The following USH2A variants were observed in gnomAD, a reference collection of about 807,000 sequenced individuals.
USH2A encodes the protein Usher syndrome 2A (autosomal recessive, mild).
In USH2A, 443 loss-of-function variants were observed where a neutral mutation model predicts 538.9. The ratio of observed to expected loss-of-function variants is 0.82; its 90% CI spans 0.76 to 0.89. The LOEUF is 0.89. USH2A is among the 40% of genes least tolerant of loss of function. USH2A has a pLI of 0.00. For missense variants in USH2A, 6,633 were observed against 6,324.8 expected, an observed-to-expected ratio of 1.05 and a Z score of -1.65; for synonymous variants, 2,413 against 2,273.5, an observed-to-expected ratio of 1.06 and a Z score of -1.75.
In USH2A at chr1:215,624,670, C is replaced by T. The variant is rs993154007; in HGVS notation, c.*1111G>A. ...AGAGCAGGTGACAGACATTTTTGAA[C>T]CGTAATTGGTACTGTTGCATATCAT... On this transcript the variant is annotated 3_prime_UTR_variant, in exon 72 of 72. Transcript: ENST00000307340. The T allele has an allele frequency of 6.6e-6, 1 of 152,012 alleles. No individual in the cohort carries two copies. The highest frequency in any genetic ancestry group is 1.5e-5 in the Non-Finnish European group (1 of 67,990). 9.4% of individuals were successfully genotyped at this position (152,012 alleles called of 1,614,324 possible).
rs1224455747 is a variant in USH2A, at chr1:215,675,633, G to GA, written c.12295-18_12295-17insT. 1 of 1,614,044 alleles carries GA rather than the reference G, an allele frequency of 6.2e-7. No homozygotes were observed. The highest frequency in any genetic ancestry group is 2.2e-5 in the East Asian group (1 of 44,880). On this transcript the variant is annotated splice_polypyrimidine_tract_variant and intron_variant, in intron 62 of 71. Transcript: ENST00000307340. Reference sequence around the variant, plus strand: ...GTTGTATGTCTACAGAAGGACAGAAGCAAAAGGGATAACTTGCAGCATACA... The same window carrying GA: ...GTTGTATGTCTACAGAAGGACAGAAGACAAAAGGGATAACTTGCAGCATACA...
chr1:216,103,410 T>G (rs777258355), intron 21 of USH2A, among the ~76,000 whole-genome samples: 1 of 152,250 alleles, frequency 6.6e-6, no homozygotes, highest in Non-Finnish European at 1.5e-5. Flanking sequence ...CCTGTCAACT[T>G]AACTTTGTTA....
chr1:215,870,986 T>C (rs1169186550), intron 43 of USH2A, among the ~76,000 whole-genome samples: 1 of 152,128 alleles, frequency 6.6e-6, no homozygotes, highest in Non-Finnish European at 1.5e-5. Context: ...TCTTGAAAAA[T>C]GTCCATTTTA....
intron 58 of USH2A, among the ~76,000 whole-genome samples, chr1:215,749,840 T>G (rs1445336187): frequency 6.6e-6 from 1 of 152,200 alleles, no homozygotes; most frequent in African/African-American, 2.4e-5. Flanking sequence ...GAACAAGGAT[T>G]TCGTTGGTTA....
intron 21 of USH2A, among the ~76,000 whole-genome samples, chr1:216,146,618 G>A (rs546833531): frequency 2.4e-3 from 365 of 151,890 alleles, no homozygotes; most frequent in African/African-American, 8.5e-3. Flanking sequence ...GCTTATTTCC[G>A]CACCCCAACC....
intron 22 of USH2A, 144 bp from the exon 23 acceptor site, chr1:216,089,283 T>A: frequency 1.1e-6 from 1 of 884,170 alleles, no homozygotes; most frequent in Non-Finnish European, 1.8e-6. Context: ...AACTCAAAAT[T>A]AAAGCTGATG....
At position 215,736,771 on chromosome 1, in the gene USH2A, C is replaced by A. The variant is rs530354756; in HGVS notation, c.11711+4604G>T. Among the ~76,000 whole-genome samples, 12 of 151,880 alleles carry A rather than the reference C, an allele frequency of 7.9e-5. No individual in the cohort carries two copies. The East Asian group carries it at 2.3e-3, about 29-fold the overall frequency. ...ACAATCTTACTTATAATCATCAAAACTTGAATTAAAACAACAAAAATGTGC... is the reference window on the plus strand; with the variant it reads ...ACAATCTTACTTATAATCATCAAAAATTGAATTAAAACAACAAAAATGTGC... On this transcript the variant is annotated intron_variant, in intron 60 of 71. Transcript: ENST00000307340.
chr1:216,000,297 T>A (rs1247908427), intron 33 of USH2A, 106 bp downstream of exon 33: 2 of 1,474,840 alleles, frequency 1.4e-6, no homozygotes, highest in African/African-American at 1.4e-5. Flanking sequence ...CTTCTATGCA[T>A]TTAATCACAA....
At chr1:215,788,589 C>T (rs182144503) in intron 51 of USH2A, among the ~76,000 whole-genome samples, 3 of 152,162 alleles carry the variant, frequency 2.0e-5, no homozygotes, top group African/African-American at 7.2e-5. Flanking sequence ...AGAAACCATC[C>T]TAACTTCCAC....
At chr1:216,388,263 T>C (rs1367624626) in intron 3 of USH2A, among the ~76,000 whole-genome samples, 1 of 152,186 alleles carries the variant, frequency 6.6e-6, no homozygotes, top group Non-Finnish European at 1.5e-5. Context: ...CAGGGAATAA[T>C]ACCTTTTCTA....
intron 11 of USH2A, among the ~76,000 whole-genome samples, chr1:216,252,715 G>A (rs932638664): frequency 1.3e-5 from 2 of 152,186 alleles, no homozygotes; most frequent in African/African-American, 4.8e-5. Flanking sequence ...AAAGATGAGT[G>A]AGAACAATGA....
chr1:216,088,078 T>C (rs998073761), intron 23 of USH2A, among the ~76,000 whole-genome samples: 3 of 152,144 alleles, frequency 2.0e-5, no homozygotes, highest in Non-Finnish European at 2.9e-5. Flanking sequence ...ACACTGGCCT[T>C]CTTGTTGGTC....
chr1:216,108,072 A>C (rs1024338372), intron 21 of USH2A, among the ~76,000 whole-genome samples: 13 of 151,794 alleles, frequency 8.6e-5, no homozygotes, highest in African/African-American at 1.4e-4. Flanking sequence ...TCACATTTTT[A>C]ATTTCCATTT....
At chr1:215,861,612 G>A (rs183083761) in intron 44 of USH2A, among the ~76,000 whole-genome samples, 1 of 152,042 alleles carries the variant, frequency 6.6e-6, no homozygotes, top group African/African-American at 2.4e-5. Context: ...CAGGGGAAGG[G>A]CTAAAAGAGA....
At chr1:215,767,210 C>T (rs1431383420) in intron 55 of USH2A, among the ~76,000 whole-genome samples, 4 of 147,926 alleles carry the variant, frequency 2.7e-5, no homozygotes, top group Non-Finnish European at 4.6e-5. Flanking sequence ...CACTTTCACC[C>T]CTGGGGACAT....
chr1:215,738,008 C>A (rs1660203604), intron 60 of USH2A, among the ~76,000 whole-genome samples: 1 of 151,958 alleles, frequency 6.6e-6, no homozygotes, highest in African/African-American at 2.4e-5. Context: ...TTGATCAAAT[C>A]TTTTTATTTA....
chr1:216,147,314 A>G (rs1045680756), intron 21 of USH2A, among the ~76,000 whole-genome samples: 1 of 148,070 alleles, frequency 6.8e-6, no homozygotes, highest in Admixed American at 6.7e-5. Flanking sequence ...CCCTCCTCAC[A>G]CCTGGTCCGG....
intron 9 of USH2A, among the ~76,000 whole-genome samples, chr1:216,292,821 C>A (rs1429936138): frequency 6.6e-6 from 1 of 152,090 alleles, no homozygotes; most frequent in Non-Finnish European, 1.5e-5. Context: ...AAAACTTCAA[C>A]ATGTTAACAA....
chr1:216,278,283 C>A (rs957777899), intron 11 of USH2A, among the ~76,000 whole-genome samples: 4 of 152,088 alleles, frequency 2.6e-5, no homozygotes, highest in Admixed American at 2.6e-4. Context: ...AAACTGGAGG[C>A]TAAGACCTCA....
Sources: allele counts gnomAD v4.1 joint callset (sites outside exome capture counted in the v4.1 genomes callset), GRCh38; gene constraint gnomAD v4.1.1; transcripts MANE v1.5; gene names NCBI Gene and HGNC (gene_info 2026-07-23, HGNC 2026-07-21).